Variants in GPC6 observed in about 807,000 individuals in gnomAD.
GPC6 encodes the protein glypican 6.
In GPC6, 14 loss-of-function variants were observed where a neutral mutation model predicts 55.2. The ratio of observed to expected loss-of-function variants is 0.25; its 90% CI spans 0.17 to 0.40. GPC6 has a LOEUF of 0.40. Among genes scored for constraint, GPC6 ranks in the 10% least tolerant of loss-of-function variants. The pLI is 1.00. For synonymous variants in GPC6, 278 were observed against 259.6 expected (o/e 1.07, Z -0.68); for missense variants, 641 against 708.5 (o/e 0.90, Z 1.08).
chr13:93,349,050 C>T (rs796607286), intron 1 of GPC6, among the ~76,000 whole-genome samples: 60 of 152,182 alleles, frequency 3.9e-4, no homozygotes, highest in African/African-American at 1.2e-3. Flanking sequence ...AATAATGTGC[C>T]GAGATGTAAC....
At chr13:93,300,327 T>C (rs1878630408) in intron 1 of GPC6, among the ~76,000 whole-genome samples, 2 of 152,280 alleles carry the variant, frequency 1.3e-5, no homozygotes, top group African/African-American at 4.8e-5. Context: ...ATTCGTAAAT[T>C]CAGCAAGTTC....
chr13:94,171,279 C>G (rs1369744119), intron 4 of GPC6, among the ~76,000 whole-genome samples: 1 of 152,146 alleles, frequency 6.6e-6, no homozygotes, highest in Admixed American at 6.6e-5. Flanking sequence ...ACACGCAAGA[C>G]CATTGAAAAC....
intron 3 of GPC6, among the ~76,000 whole-genome samples, chr13:93,939,008 A>G (rs1878586785): frequency 6.6e-6 from 1 of 152,200 alleles, no homozygotes. Flanking sequence ...AGGCTGAGGC[A>G]GGAAAATCGC....
intron 4 of GPC6, among the ~76,000 whole-genome samples, chr13:94,279,681 G>T (rs1017225313): frequency 4.6e-5 from 7 of 152,020 alleles, no homozygotes; most frequent in Non-Finnish European, 1.0e-4. Context: ...CTTGATTTCT[G>T]CCTTAATTTC....
intron 6 of GPC6, among the ~76,000 whole-genome samples, chr13:94,356,535 T>C (rs1878803766): frequency 6.6e-6 from 1 of 152,220 alleles, no homozygotes; most frequent in Non-Finnish European, 1.5e-5. Flanking sequence ...GTTTGATGAA[T>C]GAACAAACAA....
At chr13:94,277,920 G>A (rs114346686) in intron 4 of GPC6, among the ~76,000 whole-genome samples, 2,832 of 151,696 alleles carry the variant, frequency 0.019, 91 homozygotes, top group African/African-American at 0.064. Context: ...TCTTGGATGG[G>A]TCTTCTTTGA....
intron 4 of GPC6, among the ~76,000 whole-genome samples, chr13:94,233,601 G>C (rs1051975991): frequency 1.3e-5 from 2 of 152,212 alleles, no homozygotes; most frequent in East Asian, 3.9e-4. Flanking sequence ...TCATCTCTTT[G>C]TCCAGCGTCT....
chr13:94,300,948 T>C (rs1414579547), intron 5 of GPC6, among the ~76,000 whole-genome samples: 1 of 152,170 alleles, frequency 6.6e-6, no homozygotes, highest in Non-Finnish European at 1.5e-5. Flanking sequence ...TCTAAGTAAA[T>C]GCAGTTCTAT....
intron 3 of GPC6, among the ~76,000 whole-genome samples, chr13:93,851,328 A>G (rs563027947): frequency 3.3e-5 from 5 of 152,070 alleles, no homozygotes; most frequent in African/African-American, 9.6e-5. Flanking sequence ...TTACTGCCAG[A>G]GATAATGGAT....
Position 94,406,303 on chromosome 13 carries a change from T to G in GPC6, c.*3086T>G, listed in dbSNP as rs1881364016. 1 of 152,164 alleles carries G rather than the reference T, an allele frequency of 6.6e-6. No individual in the cohort carries two copies. Among genetic ancestry groups the G allele is most frequent in the African/African-American group, 2.4e-5 (1 of 41,454 alleles). The allele number at this position is 152,164 out of a possible 1,614,324, so 9.4% of individuals were successfully genotyped here. A position where few individuals can be genotyped will look rare whatever the true frequency, so the allele number is the denominator to read the frequency against. ...AAAAGCTAAACAGAGGCTAAAGTCT[T>G]TAGCAGAGAAGAATGAATTACAAAT... On this transcript the variant is annotated 3_prime_UTR_variant, in exon 9 of 9. Transcript: ENST00000377047.
intron 3 of GPC6, among the ~76,000 whole-genome samples, chr13:93,918,059 T>C (rs1257153136): frequency 1.3e-5 from 2 of 151,080 alleles, no homozygotes; most frequent in Non-Finnish European, 2.9e-5. Flanking sequence ...ATCATGCCAC[T>C]GGACTTCATC....
chr13:93,957,830 A>C (rs1032602749), intron 3 of GPC6, among the ~76,000 whole-genome samples: 1 of 152,192 alleles, frequency 6.6e-6, no homozygotes, highest in Non-Finnish European at 1.5e-5. Flanking sequence ...ACTAATTTAC[A>C]TTCCCAGCAG....
At chr13:93,817,949 T>C (rs1234458628) in intron 2 of GPC6, among the ~76,000 whole-genome samples, 3 of 148,082 alleles carry the variant, frequency 2.0e-5, no homozygotes, top group African/African-American at 7.3e-5. Flanking sequence ...AATTTATTAG[T>C]TATACCTATA....
At chr13:94,087,452 C>T (rs1367421335) in intron 4 of GPC6, among the ~76,000 whole-genome samples, 2 of 152,210 alleles carry the variant, frequency 1.3e-5, no homozygotes, top group African/African-American at 2.4e-5. Context: ...AGCACTACCA[C>T]ACCAATTCAA....
At chr13:93,374,254 A>C (rs1874792236) in intron 1 of GPC6, among the ~76,000 whole-genome samples, 1 of 152,170 alleles carries the variant, frequency 6.6e-6, no homozygotes. Context: ...ATCTATTCTA[A>C]CACCTTCATG....
intron 1 of GPC6, among the ~76,000 whole-genome samples, chr13:93,277,656 G>GT (rs1165042002): frequency 6.6e-6 from 1 of 152,012 alleles, no homozygotes. Context: ...TGGTTAAACT[G>GT]TTTTTTTCAC....
chr13:93,420,829 T>C (rs1189150124), intron 1 of GPC6, among the ~76,000 whole-genome samples: 2 of 152,100 alleles, frequency 1.3e-5, no homozygotes, highest in East Asian at 3.9e-4. Flanking sequence ...GTAAGGATCT[T>C]ACTCTCATGG....
At chr13:93,349,622 A>G (rs1880559675) in intron 1 of GPC6, among the ~76,000 whole-genome samples, 1 of 152,210 alleles carries the variant, frequency 6.6e-6, no homozygotes, top group South Asian at 2.1e-4. Flanking sequence ...AATCTTTTAA[A>G]ACATATTAAT....
chr13:93,400,697 T>G (rs2139231453), intron 1 of GPC6, among the ~76,000 whole-genome samples: 1 of 152,300 alleles, frequency 6.6e-6, no homozygotes, highest in African/African-American at 2.4e-5. Flanking sequence ...TATCAAAATA[T>G]CTCATGTACC....
Sources: gnomAD v4.1 joint callset for allele counts (sites outside exome capture counted in the v4.1 genomes callset) on GRCh38, gnomAD v4.1.1 for gene constraint, MANE v1.5 for transcripts, NCBI Gene and HGNC (gene_info 2026-07-23, HGNC 2026-07-21) for gene names.